The following ERGIC1 variants were observed in gnomAD, a reference collection of about 807,000 sequenced individuals.
ERGIC1 encodes endoplasmic reticulum-golgi intermediate compartment 1.
ERGIC1 carries 19 observed loss-of-function variants against 38.3 expected under a neutral mutation model. That is an observed-to-expected ratio of 0.50 (90% CI 0.35 to 0.73). The LOEUF is 0.73. Among genes scored for constraint, ERGIC1 ranks in the 30% least tolerant of loss-of-function variants. The pLI is 0.01. For missense variants in ERGIC1, 294 were observed against 389.2 expected (o/e 0.76, Z 2.06); for synonymous variants, 124 against 157.6 (o/e 0.79, Z 1.60).
chr5:172,929,883 A>T (rs189188322), intron 7 of ERGIC1, among the ~76,000 whole-genome samples: 58 of 152,264 alleles, frequency 3.8e-4, no homozygotes, highest in Non-Finnish European at 7.2e-4. Flanking sequence ...GTTGATCATG[A>T]TGTTCAGTTC....
intron 2 of ERGIC1, among the ~76,000 whole-genome samples, chr5:172,895,510 T>C (rs12657599): frequency 0.028 from 4,247 of 152,170 alleles, 71 homozygotes; most frequent in Middle Eastern, 0.048. Context: ...CCGTACACAA[T>C]ACCTGTTAGG....
intron 1 of ERGIC1, among the ~76,000 whole-genome samples, chr5:172,858,484 G>C (rs2004109): frequency 6.6e-6 from 1 of 152,128 alleles, no homozygotes; most frequent in Non-Finnish European, 1.5e-5. Flanking sequence ...GCCCTTCCTC[G>C]TCAGTCACAC....
chr5:172,935,134 CCG>C, intron 8 of ERGIC1, 52 bp from the exon 9 acceptor site: 1 of 1,612,316 alleles, frequency 6.2e-7, no homozygotes, highest in South Asian at 1.1e-5. Context: ...AATCCAGTCC[CCG>C]CCCCCCCTGA....
At chr5:172,932,053 T>G (rs1328420759) in intron 7 of ERGIC1, among the ~76,000 whole-genome samples, 1 of 151,614 alleles carries the variant, frequency 6.6e-6, no homozygotes, top group African/African-American at 2.4e-5. Context: ...GAGACGGGGT[T>G]TCACCATCTT....
intron 1 of ERGIC1, among the ~76,000 whole-genome samples, chr5:172,868,305 G>GA (rs974012813): frequency 5.9e-5 from 9 of 152,196 alleles, no homozygotes; most frequent in African/African-American, 2.2e-4. Context: ...CCCTGGCTCT[G>GA]AAAATCCGTG....
rs190929289 is a variant in ERGIC1, at chr5:172,931,559, T to G, written c.542-877T>G. On this transcript the variant is annotated intron_variant, in intron 7 of 9. Coordinates refer to ENST00000393784, the MANE Select transcript of ERGIC1 (RefSeq NM_001031711.3). ...GTTCATCAGTGCTTCATTGGTGCAG[T>G]TTTTCTGGTTGATAGGCTCTTTTCT... is the stretch of plus-strand genomic sequence containing the variant. Among the ~76,000 whole-genome samples, 680 of 152,314 alleles carry G rather than the reference T, an allele frequency of 4.5e-3. 1 individual carries two copies. Among genetic ancestry groups the G allele is most frequent in the African/African-American group, 0.015 (631 of 41,574 alleles).
chr5:172,858,867 C>G (rs1398600062), intron 1 of ERGIC1, among the ~76,000 whole-genome samples: 1 of 152,220 alleles, frequency 6.6e-6, no homozygotes, highest in Non-Finnish European at 1.5e-5. Context: ...GCTTCCCTGC[C>G]CTGTGGGTAA....
chr5:172,945,566 A>C (rs1764103454), intron 9 of ERGIC1, among the ~76,000 whole-genome samples: 1 of 152,180 alleles, frequency 6.6e-6, no homozygotes, highest in Non-Finnish European at 1.5e-5. Flanking sequence ...ATAAGGTTAG[A>C]GCCTTCCAGT....
intron 9 of ERGIC1, among the ~76,000 whole-genome samples, chr5:172,950,036 G>C (rs538770820): frequency 2.6e-5 from 4 of 152,250 alleles, no homozygotes; most frequent in African/African-American, 7.2e-5. Flanking sequence ...TCACGCCACT[G>C]CACTCCAGCC....
intron 3 of ERGIC1, among the ~76,000 whole-genome samples, chr5:172,905,738 G>A (rs866713349): frequency 2.2e-4 from 34 of 151,648 alleles, no homozygotes; most frequent in Middle Eastern, 3.4e-3. Context: ...GCTCGAGCCG[G>A]AACACAGACC....
intron 2 of ERGIC1, among the ~76,000 whole-genome samples, chr5:172,896,620 G>C (rs1230789343): frequency 1.3e-5 from 2 of 152,224 alleles, no homozygotes; most frequent in Non-Finnish European, 2.9e-5. Flanking sequence ...TGTGAAATCT[G>C]CTGACTGTTC....
rs1763652807 is a variant in ERGIC1 at position 172,926,438 on chromosome 5, C to T, written c.481-71C>T. ...CTAGACCAGGTGGTACCTGGCCATC[C>T]CCCACAACCAGGGCCAGGCCTGGAG... On this transcript the variant is annotated intron_variant, in intron 6 of 9. Transcript: ENST00000393784. The surrounding 1 kb of genome is among the most constrained non-coding windows in gnomAD (Gnocchi z 5.2). The T allele has an allele frequency of 3.8e-6, 6 of 1,571,926 alleles. No homozygotes were observed. The South Asian group carries it at 6.7e-5, about 17-fold the overall frequency.
At chr5:172,841,612 G>A (rs1240196438) in intron 1 of ERGIC1, among the ~76,000 whole-genome samples, 1 of 152,226 alleles carries the variant, frequency 6.6e-6, no homozygotes, top group African/African-American at 2.4e-5. Context: ...TGTCCCTGAT[G>A]TACTGGGGAC....
intron 1 of ERGIC1, among the ~76,000 whole-genome samples, chr5:172,848,395 C>T (rs1561700091): frequency 6.6e-6 from 1 of 152,164 alleles, no homozygotes; most frequent in Non-Finnish European, 1.5e-5. Flanking sequence ...AGAAGGAGCT[C>T]ACTGGATTAG....
intron 3 of ERGIC1, among the ~76,000 whole-genome samples, chr5:172,897,533 T>G (rs1762753396): frequency 6.6e-6 from 1 of 152,198 alleles, no homozygotes; most frequent in African/African-American, 2.4e-5. Flanking sequence ...CTCTTCTGTT[T>G]CTTAAAAGGA....
chr5:172,912,373 C>T (rs778390574), intron 4 of ERGIC1, among the ~76,000 whole-genome samples: 10 of 152,130 alleles, frequency 6.6e-5, no homozygotes, highest in Non-Finnish European at 1.2e-4. Flanking sequence ...ATCTTCCCCA[C>T]AGGGGTGTTT....
chr5:172,941,959 C>T (rs2113484410), intron 9 of ERGIC1, among the ~76,000 whole-genome samples: 1 of 152,308 alleles, frequency 6.6e-6, no homozygotes, highest in East Asian at 1.9e-4. Context: ...GTAATCCCAG[C>T]ACTTTGGGAG....
chr5:172,893,915 G>A (rs1198740365), intron 2 of ERGIC1, among the ~76,000 whole-genome samples: 6,908 of 59,208 alleles, frequency 0.12, 998 homozygotes, highest in African/African-American at 0.23. Context: ...ATGTGTGTGT[G>A]TGTGTGTGTG....
chr5:172,841,957 C>T (rs1761172250), intron 1 of ERGIC1, among the ~76,000 whole-genome samples: 1 of 152,174 alleles, frequency 6.6e-6, no homozygotes, highest in Non-Finnish European at 1.5e-5. Flanking sequence ...AGGACAGCTC[C>T]ATCTCTATCA....
Sources: gnomAD v4.1 joint callset for allele counts (sites outside exome capture counted in the v4.1 genomes callset) on GRCh38, gnomAD v4.1.1 for gene constraint, Gnocchi (gnomAD v3.1) non-coding constraint, MANE v1.5 for transcripts, NCBI Gene and HGNC (gene_info 2026-07-23, HGNC 2026-07-21) for gene names.